The following DGKI variants were observed in gnomAD, a reference collection of about 807,000 sequenced individuals.
DGKI encodes the protein diacylglycerol kinase iota, also known as DAG kinase iota.
A neutral mutation model predicts 147.5 loss-of-function variants in DGKI; 55 were observed. The observed-to-expected ratio is 0.37, with a 90% CI of 0.30 to 0.47. The LOEUF (loss-of-function observed/expected upper bound fraction) is 0.47. Among genes scored for constraint, DGKI ranks in the 20% least tolerant of loss-of-function variants. DGKI has a pLI of 1.00. For missense variants in DGKI, 1,007 were observed against 1,323.8 expected, an observed-to-expected ratio of 0.76 and a Z score of 3.71; for synonymous variants, 469 against 477.1, an observed-to-expected ratio of 0.98 and a Z score of 0.22.
chr7:137,722,428 A>C (rs1794591805), intron 1 of DGKI: 1 of 1,611,502 alleles, frequency 6.2e-7, no homozygotes, highest in Non-Finnish European at 8.5e-7. Flanking sequence ...TACCCCCGGG[A>C]CCATTCTGAT....
intron 27 of DGKI, among the ~76,000 whole-genome samples, chr7:137,450,440 T>C (rs1459448876): frequency 6.6e-6 from 1 of 152,146 alleles, no homozygotes; most frequent in Non-Finnish European, 1.5e-5. Context: ...GAATAATAGC[T>C]GGGCATGGTG....
At chr7:137,424,952 T>G (rs896714001) in intron 28 of DGKI, among the ~76,000 whole-genome samples, 2 of 152,242 alleles carry the variant, frequency 1.3e-5, no homozygotes, top group African/African-American at 2.4e-5. Context: ...GCTCCACCTC[T>G]GGGTGCAGGG....
At chr7:137,736,824 G>A (rs563611755) in intron 1 of DGKI, among the ~76,000 whole-genome samples, 1 of 152,034 alleles carries the variant, frequency 6.6e-6, no homozygotes. Flanking sequence ...CTCAACATTA[G>A]ATACAGAACC....
intron 27 of DGKI, among the ~76,000 whole-genome samples, chr7:137,455,922 A>G (rs548126050): frequency 6.6e-6 from 1 of 152,158 alleles, no homozygotes; most frequent in Admixed American, 6.5e-5. Context: ...ATTTTTTTGA[A>G]AATATTTCAA....
chr7:137,615,743 T>C (rs1190757810), intron 8 of DGKI, among the ~76,000 whole-genome samples: 2 of 152,154 alleles, frequency 1.3e-5, no homozygotes, highest in Non-Finnish European at 2.9e-5. Flanking sequence ...TTTACTGTCA[T>C]CTATGAACAG....
At chr7:137,582,051 A>C (rs1819215104) in intron 14 of DGKI, 123 bp from the exon 15 acceptor site, 2 of 613,116 alleles carry the variant, frequency 3.3e-6, no homozygotes, top group South Asian at 5.2e-5. Context: ...GCCACAACTC[A>C]AAGTGGAGGG....
intron 27 of DGKI, among the ~76,000 whole-genome samples, chr7:137,452,400 A>G (rs1039964611): frequency 2.6e-5 from 4 of 152,194 alleles, no homozygotes; most frequent in African/African-American, 9.6e-5. Flanking sequence ...ATCCTGCAAT[A>G]AGAAAAGGAA....
At chr7:137,703,859 G>A (rs1238517554) in intron 1 of DGKI, among the ~76,000 whole-genome samples, 1 of 152,156 alleles carries the variant, frequency 6.6e-6, no homozygotes, top group Non-Finnish European at 1.5e-5. Flanking sequence ...AAAGTATCAC[G>A]CATACACAGG....
At chr7:137,832,574 C>T in intron 1 of DGKI, among the ~76,000 whole-genome samples, 1 of 152,242 alleles carries the variant, frequency 6.6e-6, no homozygotes, top group East Asian at 1.9e-4. Context: ...GGTCCCTGGG[C>T]TCAGCCCATG....
intron 6 of DGKI, among the ~76,000 whole-genome samples, chr7:137,638,717 C>T (rs1323252822): frequency 1.4e-5 from 2 of 146,622 alleles, no homozygotes; most frequent in African/African-American, 2.5e-5. Context: ...CATAGATATA[C>T]ATATATACAC....
At chr7:137,559,472 C>G (rs1459028037) in intron 19 of DGKI, among the ~76,000 whole-genome samples, 1 of 151,934 alleles carries the variant, frequency 6.6e-6, no homozygotes, top group Non-Finnish European at 1.5e-5. Context: ...ATTGTCCAGC[C>G]ACTCTAAACT....
At chr7:137,607,811 A>G (rs1404398482) in intron 10 of DGKI, among the ~76,000 whole-genome samples, 1 of 152,186 alleles carries the variant, frequency 6.6e-6, no homozygotes, top group Non-Finnish European at 1.5e-5. Flanking sequence ...TAGAATTGCC[A>G]TCATTACTCC....
intron 28 of DGKI, among the ~76,000 whole-genome samples, chr7:137,428,248 T>C (rs1484468331): frequency 3.3e-5 from 5 of 151,710 alleles, no homozygotes; most frequent in South Asian, 2.1e-4. Context: ...TGGTTCAATA[T>C]ATGCAAATCA....
intron 30 of DGKI, among the ~76,000 whole-genome samples, chr7:137,402,161 G>C (rs1475330597): frequency 6.6e-6 from 1 of 152,180 alleles, no homozygotes; most frequent in Admixed American, 6.5e-5. Flanking sequence ...GATTGTTACA[G>C]AAACTTTTTT....
intron 28 of DGKI, among the ~76,000 whole-genome samples, chr7:137,425,053 G>A (rs1460548872): frequency 6.6e-6 from 1 of 152,122 alleles, no homozygotes; most frequent in Non-Finnish European, 1.5e-5. Context: ...TCCCCAGCAT[G>A]CAGCTGGAGA....
chr7:137,703,828 T>C (rs748001669), intron 1 of DGKI, among the ~76,000 whole-genome samples: 14 of 152,178 alleles, frequency 9.2e-5, no homozygotes, highest in Non-Finnish European at 1.9e-4. Flanking sequence ...TAAAATTTTA[T>C]GAGATATGCA....
intron 1 of DGKI, among the ~76,000 whole-genome samples, chr7:137,806,065 AAAC>A (rs899464828): frequency 6.6e-6 from 1 of 152,206 alleles, no homozygotes; most frequent in South Asian, 2.1e-4. Context: ...TTGGGAGCAA[AAAC>A]AACTCTTCAA....
At position 137,396,354 on chromosome 7, in the gene DGKI, C is replaced by T. The variant is rs76689790; in HGVS notation, c.2958-657G>A. The stretch of plus-strand genomic sequence containing the variant: ...AGGAGGCAGCAGGCTTGAGGCCAGC[C>T]ACTCAGTGTGGGAAGGAGCAAGGGA... On this transcript the variant is annotated intron_variant, in intron 31 of 32. Transcript: ENST00000614521. Among the ~76,000 whole-genome samples the T allele has an allele frequency of 1.5e-3, 228 of 152,328 alleles. 1 individual carries two copies. Among genetic ancestry groups the T allele is most frequent in the African/African-American group, 5.3e-3 (219 of 41,578 alleles).
At chr7:137,598,211 G>A (rs774523106) in intron 11 of DGKI, among the ~76,000 whole-genome samples, 25 of 151,974 alleles carry the variant, frequency 1.6e-4, no homozygotes, top group African/African-American at 4.8e-5. Context: ...TATTTTCCTC[G>A]TTAGTTTTGA....
Sources: gnomAD v4.1 joint callset for allele counts (sites outside exome capture counted in the v4.1 genomes callset) on GRCh38, gnomAD v4.1.1 for gene constraint, MANE v1.5 for transcripts, NCBI Gene and HGNC (gene_info 2026-07-23, HGNC 2026-07-21) for gene names.